Variants in ZNHIT3 observed in about 807,000 individuals in gnomAD.
The protein encoded by ZNHIT3 is zinc finger HIT domain-containing protein 3.
Under a neutral mutation model 19.9 loss-of-function variants are expected in ZNHIT3, and 27 were observed. The observed-to-expected ratio is 1.36, with a 90% CI of 1.00 to 1.87. ZNHIT3 has a LOEUF of 1.87. ZNHIT3 is among the 40% of genes most tolerant of loss of function. The pLI, the probability that ZNHIT3 is intolerant of heterozygous loss-of-function variation, is 0.00. For synonymous variants in ZNHIT3, 81 were observed against 65.7 expected, an observed-to-expected ratio of 1.23 and a Z score of -1.13; for missense variants, 215 against 185.6, an observed-to-expected ratio of 1.16 and a Z score of -0.92.
intron 4 of ZNHIT3, among the ~76,000 whole-genome samples, chr17:36,494,298 T>G (rs1000722858): frequency 6.6e-6 from 1 of 152,214 alleles, no homozygotes; most frequent in Admixed American, 6.5e-5. Context: ...TGTGTCTCTT[T>G]CAGAATTAGG....
chr17:36,492,590 A>G, intron 2 of ZNHIT3: 1 of 551,834 alleles, frequency 1.8e-6, no homozygotes, highest in Non-Finnish European at 3.2e-6. Flanking sequence ...GGATGGGGAC[A>G]GGTTCTTGGG....
intron 2 of ZNHIT3, among the ~76,000 whole-genome samples, chr17:36,488,589 T>C (rs964737945): frequency 5.9e-5 from 9 of 152,152 alleles, no homozygotes; most frequent in Non-Finnish European, 1.2e-4. Context: ...TGCATACAAG[T>C]TCTAGCTCAC....
intron 2 of ZNHIT3, among the ~76,000 whole-genome samples, chr17:36,487,940 TAAAC>T (rs1057374988): frequency 8.1e-5 from 12 of 148,714 alleles, no homozygotes; most frequent in African/African-American, 2.2e-4. Flanking sequence ...CCCGTCTCTA[TAAAC>T]AAACAAAGCC....
chr17:36,498,054 T>C (rs1397458623), downstream of ZNHIT3: 4 of 544,258 alleles, frequency 7.3e-6, no homozygotes, highest in Non-Finnish European at 1.3e-5. Context: ...AAGCAGTTTT[T>C]AAAAAGATAA....
intron 4 of ZNHIT3, among the ~76,000 whole-genome samples, chr17:36,494,514 A>G (rs372122768): frequency 9.6e-4 from 147 of 152,342 alleles, no homozygotes; most frequent in Middle Eastern, 3.4e-3. Flanking sequence ...CCATTTTTGT[A>G]GCACTGCTTA....
downstream of ZNHIT3, chr17:36,496,175 C>A: frequency 6.4e-7 from 1 of 1,554,732 alleles, no homozygotes; most frequent in South Asian, 1.2e-5. Context: ...AATAGTCTGG[C>A]AGCTGTGTGC....
intron 2 of ZNHIT3, 59 bp from the exon 3 acceptor site, chr17:36,492,754 G>C: frequency 1.3e-6 from 2 of 1,485,116 alleles, no homozygotes; most frequent in Admixed American, 1.7e-5. Context: ...TTGGTAGGGA[G>C]GTGCAGCCTT....
At chr17:36,488,567 A>G (rs1356296934) in intron 2 of ZNHIT3, among the ~76,000 whole-genome samples, 1 of 152,090 alleles carries the variant, frequency 6.6e-6, no homozygotes, top group African/African-American at 2.4e-5. Context: ...AAAAATTAAA[A>G]ATAAAGACTA....
chr17:36,499,306 A>T, downstream of ZNHIT3: 3 of 537,664 alleles, frequency 5.6e-6, no homozygotes, highest in South Asian at 5.9e-5. Flanking sequence ...TAAGGTTCTA[A>T]AATCAATACA....
At position 36,488,303 on chromosome 17, in the gene ZNHIT3, G is replaced by A. The variant is rs1242026541; in HGVS notation, c.118+1337G>A. Among the ~76,000 whole-genome samples, 4 of 151,936 alleles carry A rather than the reference G, an allele frequency of 2.6e-5. No individual in the cohort carries two copies. In the East Asian group the frequency reaches 7.7e-4, roughly 29 times the overall value. ...CTCATGCCTGTAATCCCAGCACTTT[G>A]GGATGCCAAGGTGGGTGGATCACCT... On this transcript the variant is annotated intron_variant, in intron 2 of 4. Transcript: ENST00000617429.
chr17:36,497,641 G>A (rs150483532), downstream of ZNHIT3: 2,123 of 708,780 alleles, frequency 3.0e-3, 5 homozygotes, highest in Admixed American at 3.6e-3. Flanking sequence ...CTGGAGTGCA[G>A]CGGCGCAATC....
At chr17:36,495,200 C>CT in intron 4 of ZNHIT3, 23 bp from the exon 5 acceptor site, 1 of 1,547,486 alleles carries the variant, frequency 6.5e-7, no homozygotes, top group South Asian at 1.2e-5. Flanking sequence ...CTCAGACTGG[C>CT]TTTTTTTCTT....
In ZNHIT3 at chr17:36,495,288, G is replaced by C. The variant is rs779368693; in HGVS notation, c.352G>C (p.Asp118His). ...CCTCAGGCAGTTGATGGTCAACCTC[G>C]ATCAGGGAGAAGACAAAGCAAAGCT... The part of the protein sequence containing the change: ...PHLRQLMVNL[D>H]QGEDKAKLMR... The change falls in exon 5 of 5, where the codon GAT becomes CAT. Residue 118 changes from aspartate (D) to histidine (H), a missense_variant. By Grantham distance (81) the Asp-to-His change is moderately conservative (BLOSUM62 -1). Coordinates refer to ENST00000617429, the MANE Select transcript of ZNHIT3 (RefSeq NM_004773.4). 5.0e-6 allele frequency: 8 copies of C among 1,613,642 alleles called. No individual in the cohort carries two copies. Among genetic ancestry groups the C allele is most frequent in the South Asian group, 4.4e-5 (4 of 90,974 alleles).
At chr17:36,487,121 C>T (rs1031520843) in intron 2 of ZNHIT3, among the ~76,000 whole-genome samples, 155 bp downstream of exon 2, 8 of 152,168 alleles carry the variant, frequency 5.3e-5, no homozygotes, top group Non-Finnish European at 1.0e-4. Flanking sequence ...CTGACTTGGT[C>T]CCTGGTGTCT....
At chr17:36,498,254 C>A, downstream of ZNHIT3, 1 of 1,602,578 alleles carries the variant, frequency 6.2e-7, no homozygotes. Flanking sequence ...ATGGCCATCA[C>A]ACACAACGTA....
intron 3 of ZNHIT3, 51 bp from the exon 4 acceptor site, chr17:36,493,875 G>A (rs2070787177): frequency 1.5e-6 from 2 of 1,327,948 alleles, no homozygotes; most frequent in Non-Finnish European, 2.2e-6. Flanking sequence ...AAAATCTGGT[G>A]CCCAGGCCTC....
chr17:36,495,868 C>T (rs1012487736), downstream of ZNHIT3: 4 of 1,238,708 alleles, frequency 3.2e-6, no homozygotes, highest in Non-Finnish European at 3.0e-6. Context: ...TTTTCCCAGC[C>T]CAAATTCCAG....
chr17:36,496,001 G>GT (rs2070933903), downstream of ZNHIT3: 2 of 788,112 alleles, frequency 2.5e-6, no homozygotes, highest in African/African-American at 3.5e-5. Context: ...GTAGTGAAAT[G>GT]TGGCCCTGAT....
At chr17:36,497,159 G>A (rs564577555), downstream of ZNHIT3, among the ~76,000 whole-genome samples, 3 of 146,464 alleles carry the variant, frequency 2.0e-5, no homozygotes, top group Non-Finnish European at 3.0e-5. Context: ...GCGAAACCCC[G>A]TCTCTATTAA....
Sources: allele counts gnomAD v4.1 joint callset (sites outside exome capture counted in the v4.1 genomes callset), GRCh38; gene constraint gnomAD v4.1.1; transcripts MANE v1.5; gene names NCBI Gene and HGNC (gene_info 2026-07-23, HGNC 2026-07-21).